Variants in DDX10 observed in about 807,000 individuals in gnomAD.
DDX10 encodes DEAD-box helicase 10, also known as probable ATP-dependent RNA helicase DDX10.
In DDX10, 74 loss-of-function variants were observed where a neutral mutation model predicts 104.3. That is an observed-to-expected ratio of 0.71 (90% CI 0.59 to 0.86). DDX10 has a LOEUF of 0.86. DDX10 is among the 40% of genes least tolerant of loss of function. The pLI, the probability that DDX10 is intolerant of heterozygous loss-of-function variation, is 0.00. For synonymous variants in DDX10, 351 were observed against 353.4 expected (o/e 0.99, Z 0.08); for missense variants, 952 against 1,040.0 (o/e 0.92, Z 1.16).
chr11:108,723,167 C>G lies in DDX10; in HGVS notation c.1670C>G (p.Ser557Cys). 3 of 1,613,748 alleles carry G rather than the reference C, an allele frequency of 1.9e-6. No individual in the cohort carries two copies. Among genetic ancestry groups the G allele is most frequent in the Non-Finnish European group, 2.5e-6 (3 of 1,179,864 alleles). The change falls in exon 13 of 18, where the codon TCC (serine) becomes TGC (cysteine). Residue 557 changes from serine (S) to cysteine (C), a missense_variant. Coordinates refer to ENST00000322536, the MANE Select transcript of DDX10 (RefSeq NM_004398.4). ...AGAGCCTACTTCAATGAGAAAATGT[C>G]CATCCTTCAAAAAGGTGGAAAAAGA... is the stretch of plus-strand genomic sequence containing the variant. ...EFRAYFNEKM[S>C]ILQKGGKRLE...
chr11:108,735,411 C>T (rs2094317167), intron 13 of DDX10, among the ~76,000 whole-genome samples: 1 of 151,942 alleles, frequency 6.6e-6, no homozygotes, highest in Admixed American at 6.6e-5. Flanking sequence ...ATGGTAGGGG[C>T]AAGATGAAGC....
chr11:108,917,130 A>G (rs968258664), intron 16 of DDX10, among the ~76,000 whole-genome samples: 3 of 151,108 alleles, frequency 2.0e-5, no homozygotes, highest in South Asian at 2.1e-4. Flanking sequence ...CAGTGGTGCA[A>G]TCATGGCTCA....
At chr11:108,863,457 G>C (rs991276998) in intron 16 of DDX10, among the ~76,000 whole-genome samples, 1 of 152,086 alleles carries the variant, frequency 6.6e-6, no homozygotes, top group African/African-American at 2.4e-5. Flanking sequence ...ATGTACATTA[G>C]TTTTCCCCCT....
chr11:108,709,455 C>T (rs1359071540), intron 10 of DDX10, among the ~76,000 whole-genome samples: 1 of 152,178 alleles, frequency 6.6e-6, no homozygotes, highest in African/African-American at 2.4e-5. Context: ...ATTATTGATT[C>T]AATTTTTTTA....
At chr11:108,868,926 G>C (rs1048179200) in intron 16 of DDX10, among the ~76,000 whole-genome samples, 1 of 148,414 alleles carries the variant, frequency 6.7e-6, no homozygotes, top group African/African-American at 2.5e-5. Context: ...AAAACTGAGG[G>C]TTAAAGAGGT....
chr11:108,673,455 C>CT lies in DDX10; in HGVS notation c.187-5dup, dbSNP rs1413629309. The CT allele has an allele frequency of 1.9e-6, 3 of 1,559,806 alleles. No individual in the cohort carries two copies. Among genetic ancestry groups the CT allele is most frequent in the Non-Finnish European group, 1.8e-6 (2 of 1,133,856 alleles). On this transcript the variant is annotated splice_polypyrimidine_tract_variant and intron_variant, in intron 1 of 17. Transcript: ENST00000322536. Reference sequence around the variant, plus strand: ...AAATGAGTTACCCTGATTCCTTTTTCTTTTTTTCCAGATAAATGTAAATGA... The same window carrying CT: ...AAATGAGTTACCCTGATTCCTTTTTCTTTTTTTTCCAGATAAATGTAAATGA...
chr11:108,831,729 T>A (rs960674229), intron 13 of DDX10, among the ~76,000 whole-genome samples: 2 of 152,152 alleles, frequency 1.3e-5, no homozygotes, highest in Non-Finnish European at 1.5e-5. Flanking sequence ...TTGTAGGATA[T>A]GTAGTAGTAA....
Position 108,852,209 on chromosome 11 carries a change from G to GT in DDX10, c.2304_2304+1insT (p.Ala769CysfsTer4). On this transcript the variant is annotated frameshift_variant and splice_region_variant. Transcript: ENST00000322536. LOFTEE classifies it high-confidence loss of function. ...GAGAAGCCAACAAGAGACAAGCAAA[G>GT]GTAAGGGTTTATATACATTTATTTT... 1 of 1,609,612 alleles carries GT rather than the reference G, an allele frequency of 6.2e-7. No individual in the cohort carries two copies. Among genetic ancestry groups the GT allele is most frequent in the Non-Finnish European group, 8.5e-7 (1 of 1,177,194 alleles).
intron 10 of DDX10, among the ~76,000 whole-genome samples, chr11:108,713,697 G>T (rs959377208): frequency 1.3e-5 from 2 of 152,042 alleles, no homozygotes; most frequent in African/African-American, 4.8e-5. Context: ...TTTGCTTTTA[G>T]TATGTCTTGT....
chr11:108,734,156 C>G (rs1046777347), intron 13 of DDX10, among the ~76,000 whole-genome samples: 7 of 152,006 alleles, frequency 4.6e-5, no homozygotes, highest in Non-Finnish European at 7.4e-5. Context: ...TAATTTTTAT[C>G]TCTTCCATAC....
intron 16 of DDX10, among the ~76,000 whole-genome samples, chr11:108,891,802 C>T (rs1005633167): frequency 2.0e-5 from 3 of 152,090 alleles, no homozygotes; most frequent in Non-Finnish European, 4.4e-5. Flanking sequence ...AATTTGTGAG[C>T]AGCAGGCATG....
At chr11:108,818,063 T>C (rs544798867) in intron 13 of DDX10, among the ~76,000 whole-genome samples, 20 of 152,306 alleles carry the variant, frequency 1.3e-4, no homozygotes, top group Non-Finnish European at 2.2e-4. Flanking sequence ...CGCCACGATA[T>C]AGCTCAAGGA....
intron 13 of DDX10, among the ~76,000 whole-genome samples, chr11:108,800,497 T>A (rs1218260936): frequency 6.6e-6 from 1 of 150,958 alleles, no homozygotes; most frequent in African/African-American, 2.4e-5. Flanking sequence ...GTTCTCCATT[T>A]GGCTATGAAT....
intron 13 of DDX10, among the ~76,000 whole-genome samples, chr11:108,759,356 T>A (rs2094348032): frequency 6.6e-6 from 1 of 152,016 alleles, no homozygotes; most frequent in Non-Finnish European, 1.5e-5. Context: ...GGATGATAGT[T>A]TTTTTAGTTG....
chr11:108,747,292 G>A (rs2094332971), intron 13 of DDX10, among the ~76,000 whole-genome samples: 1 of 152,120 alleles, frequency 6.6e-6, no homozygotes, highest in Admixed American at 6.5e-5. Context: ...TAGCAGATAG[G>A]TGTCCTACAA....
At chr11:108,839,228 C>G (rs189917273) in intron 14 of DDX10, among the ~76,000 whole-genome samples, 5 of 152,220 alleles carry the variant, frequency 3.3e-5, no homozygotes, top group African/African-American at 1.2e-4. Flanking sequence ...TAGGTAGGGT[C>G]TTTTGAATAT....
intron 13 of DDX10, among the ~76,000 whole-genome samples, chr11:108,806,278 A>C (rs970001484): frequency 2.0e-5 from 3 of 152,148 alleles, no homozygotes; most frequent in African/African-American, 7.2e-5. Context: ...TTTTCTATTA[A>C]GAGCAATAAA....
chr11:108,713,591 G>A (rs141423592), intron 10 of DDX10, among the ~76,000 whole-genome samples: 2 of 152,214 alleles, frequency 1.3e-5, no homozygotes, highest in African/African-American at 4.8e-5. Flanking sequence ...TAGCATATGA[G>A]TCACTGTTAG....
At chr11:108,932,925 T>G (rs17108752) in intron 17 of DDX10, among the ~76,000 whole-genome samples, 1,642 of 152,102 alleles carry the variant, frequency 0.011, 58 homozygotes, top group African/African-American at 0.038. Flanking sequence ...TGAGGGGAGA[T>G]CCTACTGTTA....
Sources: gnomAD v4.1 joint callset for allele counts (sites outside exome capture counted in the v4.1 genomes callset) on GRCh38, gnomAD v4.1.1 for gene constraint, MANE v1.5 for transcripts, NCBI Gene and HGNC (gene_info 2026-07-23, HGNC 2026-07-21) for gene names.